EYS: variants seen among roughly 807,000 people sequenced by gnomAD.
EYS encodes EGF-like photoreceptor maintenance factor.
Under a neutral mutation model 282.1 loss-of-function variants are expected in EYS, and 250 were observed. The observed-to-expected ratio is 0.89, with a 90% CI of 0.80 to 0.98. EYS has a LOEUF of 0.98. EYS is among the 50% of genes least tolerant of loss of function. EYS has a pLI of 0.00. For missense variants in EYS, 4,016 were observed against 3,709.0 expected, an observed-to-expected ratio of 1.08 and a Z score of -2.15; for synonymous variants, 1,355 against 1,282.9, an observed-to-expected ratio of 1.06 and a Z score of -1.20.
chr6:64,674,303 C>T (rs939533371), intron 22 of EYS, among the ~76,000 whole-genome samples: 2 of 152,020 alleles, frequency 1.3e-5, no homozygotes, highest in Non-Finnish European at 2.9e-5. Context: ...TCTGAGAAGA[C>T]AAAATGTCCC....
intron 33 of EYS, among the ~76,000 whole-genome samples, chr6:64,039,019 G>T (rs1379491438): frequency 6.6e-6 from 1 of 152,062 alleles, no homozygotes; most frequent in Non-Finnish European, 1.5e-5. Flanking sequence ...TGGCCAGGCT[G>T]GTCTCAAACT....
Position 64,342,125 on chromosome 6 carries a change from T to C in EYS, c.6079-35043A>G, listed in dbSNP as rs1030370985. 4.6e-5 allele frequency among the ~76,000 whole-genome samples: 7 copies of C among 151,622 alleles called. No individual in the cohort carries two copies. The East Asian group carries it at 1.2e-3, about 25-fold the overall frequency. ...ATATAGTATAATTATAGCATAGTTA[T>C]AGAATGAAATAAAATTTAAAATGTA... On this transcript the variant is annotated intron_variant, in intron 29 of 42. Coordinates refer to ENST00000503581, the MANE Select transcript of EYS (RefSeq NM_001142800.2).
At chr6:65,289,804 C>T (rs1178038656) in intron 12 of EYS, among the ~76,000 whole-genome samples, 2 of 150,908 alleles carry the variant, frequency 1.3e-5, no homozygotes, top group Non-Finnish European at 3.0e-5. Flanking sequence ...AAATTCTCTA[C>T]AATTGGAAGA....
chr6:65,301,684 T>C (rs1768834155), intron 11 of EYS, among the ~76,000 whole-genome samples: 1 of 152,162 alleles, frequency 6.6e-6, no homozygotes, highest in Admixed American at 6.5e-5. Context: ...CTCATTACAC[T>C]CCCACCCCTG....
chr6:64,421,089 C>G (rs973719045), intron 28 of EYS, among the ~76,000 whole-genome samples: 11 of 152,108 alleles, frequency 7.2e-5, no homozygotes, highest in African/African-American at 2.7e-4. Context: ...AAAGACATAC[C>G]TGAGACTGAG....
chr6:64,780,076 T>C (rs1583149659), intron 22 of EYS, among the ~76,000 whole-genome samples: 1 of 152,276 alleles, frequency 6.6e-6, no homozygotes, highest in East Asian at 1.9e-4. Context: ...TTTTTGAACA[T>C]AGAGACTAGA....
At chr6:64,203,195 G>A (rs979251519) in intron 31 of EYS, among the ~76,000 whole-genome samples, 2 of 152,186 alleles carry the variant, frequency 1.3e-5, no homozygotes, top group Non-Finnish European at 2.9e-5. Context: ...CTGCTGTGAA[G>A]GGTAGCAATC....
chr6:63,759,328 CAATGTCT>C (rs1385158218), intron 41 of EYS, among the ~76,000 whole-genome samples: 2 of 152,070 alleles, frequency 1.3e-5, no homozygotes, highest in Non-Finnish European at 2.9e-5. Flanking sequence ...GTTACTTGCC[CAATGTCT>C]AAGGTTAGAA....
chr6:63,722,398 A>AT (rs1768434111), intron 42 of EYS, among the ~76,000 whole-genome samples: 1 of 152,080 alleles, frequency 6.6e-6, no homozygotes, highest in South Asian at 2.1e-4. Flanking sequence ...CTGGTCAGGA[A>AT]TTTTTTTCTG....
chr6:64,176,422 A>G (rs141213480), intron 31 of EYS, among the ~76,000 whole-genome samples: 3 of 152,142 alleles, frequency 2.0e-5, no homozygotes, highest in South Asian at 2.1e-4. Flanking sequence ...ATTCTTTAAG[A>G]TAAAAAAAAT....
chr6:64,874,958 A>T (rs549108528), intron 19 of EYS, among the ~76,000 whole-genome samples: 2 of 149,368 alleles, frequency 1.3e-5, no homozygotes, highest in African/African-American at 5.1e-5. Context: ...GCTCATTCCA[A>T]ATGCAGTACT....
chr6:64,915,908 C>T (rs1305506026), intron 15 of EYS, among the ~76,000 whole-genome samples: 1 of 152,002 alleles, frequency 6.6e-6, no homozygotes, highest in East Asian at 1.9e-4. Context: ...CTCTCAAGTT[C>T]CTGTTTTTCT....
chr6:64,430,866 G>T (rs1774554122), intron 28 of EYS, among the ~76,000 whole-genome samples: 1 of 152,086 alleles, frequency 6.6e-6, no homozygotes, highest in African/African-American at 2.4e-5. Flanking sequence ...TTTCTCAGCA[G>T]AATATACATG....
At chr6:64,390,765 C>A (rs1773099867) in intron 28 of EYS, among the ~76,000 whole-genome samples, 1 of 149,564 alleles carries the variant, frequency 6.7e-6, no homozygotes, top group South Asian at 2.1e-4. Flanking sequence ...CGGAACAAAG[C>A]TGGATGGAGA....
At chr6:65,310,627 T>C (rs1360732168) in intron 11 of EYS, among the ~76,000 whole-genome samples, 1 of 152,200 alleles carries the variant, frequency 6.6e-6, no homozygotes, top group East Asian at 1.9e-4. Context: ...ACCTTAGCTC[T>C]TTCCACACCC....
intron 5 of EYS, among the ~76,000 whole-genome samples, chr6:65,422,395 A>G (rs1767498442): frequency 6.6e-6 from 1 of 151,962 alleles, no homozygotes; most frequent in South Asian, 2.1e-4. Context: ...ACATTTTATT[A>G]GTATTGACAT....
intron 29 of EYS, among the ~76,000 whole-genome samples, chr6:64,363,957 AT>A (rs1335629943): frequency 6.6e-6 from 1 of 151,846 alleles, no homozygotes; most frequent in Non-Finnish European, 1.5e-5. Context: ...TAAACCCCAC[AT>A]TTTTAATAGC....
chr6:63,931,659 T>C (rs933057009), intron 35 of EYS, among the ~76,000 whole-genome samples: 2 of 152,176 alleles, frequency 1.3e-5, no homozygotes, highest in African/African-American at 4.8e-5. Flanking sequence ...ACATAATAAC[T>C]GTATATATTT....
At chr6:63,782,865 C>T (rs1770268810) in intron 39 of EYS, among the ~76,000 whole-genome samples, 1 of 150,394 alleles carries the variant, frequency 6.6e-6, no homozygotes, top group Non-Finnish European at 1.5e-5. Flanking sequence ...TTAGATCTTT[C>T]CTGCTTTCTC....
Sources: gnomAD v4.1 joint callset for allele counts (sites outside exome capture counted in the v4.1 genomes callset) on GRCh38, gnomAD v4.1.1 for gene constraint, MANE v1.5 for transcripts, NCBI Gene and HGNC (gene_info 2026-07-23, HGNC 2026-07-21) for gene names.